AOPEP: variants seen among roughly 807,000 people sequenced by gnomAD.
AOPEP encodes the protein aminopeptidase O.
In AOPEP, 77 loss-of-function variants were observed where a neutral mutation model predicts 98.1. That is an observed-to-expected ratio of 0.78 (90% CI 0.65 to 0.95). The LOEUF (loss-of-function observed/expected upper bound fraction) is 0.95, where lower values mean the gene tolerates loss of function less well. Ranked by LOEUF, AOPEP falls within the 40% of genes least tolerant of loss-of-function variation. The pLI is 0.00. For missense variants in AOPEP, 1,024 were observed against 1,024.7 expected (o/e 1.00, Z 0.01); for synonymous variants, 346 against 365.3 (o/e 0.95, Z 0.60).
intron 1 of AOPEP, among the ~76,000 whole-genome samples, chr9:94,755,834 G>A (rs939443752): frequency 1.3e-5 from 2 of 152,162 alleles, no homozygotes; most frequent in African/African-American, 2.4e-5. Context: ...TGCCTCTCTG[G>A]GACCCACTGT....
At chr9:95,067,189 G>A (rs532309290) in intron 14 of AOPEP, among the ~76,000 whole-genome samples, 1 of 152,212 alleles carries the variant, frequency 6.6e-6, no homozygotes, top group African/African-American at 2.4e-5. Context: ...ACTTCAGGCT[G>A]TGAGAACCTC....
intron 5 of AOPEP, among the ~76,000 whole-genome samples, chr9:94,846,511 T>C (rs2042882820): frequency 6.6e-6 from 1 of 152,064 alleles, no homozygotes; most frequent in East Asian, 1.9e-4. Flanking sequence ...ATTAAAGAAA[T>C]AGGGAAATTG....
At chr9:94,982,296 T>C (rs2060232180) in intron 11 of AOPEP, among the ~76,000 whole-genome samples, 1 of 152,132 alleles carries the variant, frequency 6.6e-6, no homozygotes, top group Admixed American at 6.5e-5. Flanking sequence ...TCTTTAAAAG[T>C]AAAAATAACA....
At chr9:94,874,434 G>A (rs941831561) in intron 5 of AOPEP, among the ~76,000 whole-genome samples, 1 of 151,942 alleles carries the variant, frequency 6.6e-6, no homozygotes, top group East Asian at 1.9e-4. Context: ...ATACAGATCT[G>A]TGGTCTTTCA....
chr9:95,104,306 G>A, the AOPEP span, among the ~76,000 whole-genome samples: 2 of 152,236 alleles, frequency 1.3e-5, no homozygotes, highest in African/African-American at 4.8e-5. Context: ...CACGATGGGT[G>A]CCCAGATGGC....
intron 11 of AOPEP, among the ~76,000 whole-genome samples, chr9:94,986,233 T>C (rs1418975054): frequency 2.6e-5 from 4 of 152,208 alleles, no homozygotes. Flanking sequence ...TGCGTGCACA[T>C]GTCTGTCCTT....
At chr9:95,047,155 A>G (rs537192170) in intron 13 of AOPEP, among the ~76,000 whole-genome samples, 5 of 152,346 alleles carry the variant, frequency 3.3e-5, no homozygotes, top group Admixed American at 3.3e-4. Context: ...AATGCATGGA[A>G]TGGGACTGAA....
intron 11 of AOPEP, among the ~76,000 whole-genome samples, chr9:94,996,029 G>A (rs968090073): frequency 2.6e-5 from 4 of 152,208 alleles, no homozygotes; most frequent in African/African-American, 9.7e-5. Flanking sequence ...ACATGCAGGG[G>A]GTGGAAGCAG....
At chr9:94,812,429 C>T (rs1017628746) in intron 5 of AOPEP, among the ~76,000 whole-genome samples, 1 of 152,186 alleles carries the variant, frequency 6.6e-6, no homozygotes, top group African/African-American at 2.4e-5. Flanking sequence ...GTGCATCACA[C>T]TGTCTCGCTC....
At position 95,080,505 on chromosome 9, in the gene AOPEP, GTC is replaced by G. The variant is rs528911164; in HGVS notation, c.2233-185_2233-184del. Among the ~76,000 whole-genome samples, 222 of 152,312 alleles carry G rather than the reference GTC, an allele frequency of 1.5e-3. 6 individuals carry two copies. The highest frequency in any genetic ancestry group is 5.3e-4 in the Non-Finnish European group (36 of 68,028). ...CACTCCAGCCTGGGTGACAGAGCGA[GTC>G]TCTGTCTCAAAGAAAATAAAAAGTA... On this transcript the variant is annotated intron_variant, in intron 14 of 16. Coordinates refer to ENST00000375315, the MANE Select transcript of AOPEP (RefSeq NM_001193329.3).
At chr9:95,023,500 G>A (rs1325801653) in intron 13 of AOPEP, among the ~76,000 whole-genome samples, 1 of 152,254 alleles carries the variant, frequency 6.6e-6, no homozygotes, top group African/African-American at 2.4e-5. Context: ...GGTTCAGTTG[G>A]AAGTTTCCAG....
At chr9:94,845,018 C>G (rs1213602721) in intron 5 of AOPEP, among the ~76,000 whole-genome samples, 3 of 152,212 alleles carry the variant, frequency 2.0e-5, no homozygotes, top group Admixed American at 1.3e-4. Flanking sequence ...TGTGCAAGCA[C>G]TATTCCAGGT....
chr9:94,914,344 C>T (rs1275374678), intron 5 of AOPEP, among the ~76,000 whole-genome samples: 2 of 152,210 alleles, frequency 1.3e-5, no homozygotes, highest in African/African-American at 4.8e-5. Flanking sequence ...GATTCAGCTG[C>T]AGTTACTACA....
chr9:94,994,589 G>A (rs2061104335), intron 11 of AOPEP, among the ~76,000 whole-genome samples: 2 of 152,132 alleles, frequency 1.3e-5, no homozygotes, highest in Admixed American at 6.5e-5. Context: ...TGTAGCTCTG[G>A]TTAGGATTAT....
chr9:95,103,452 C>G, the AOPEP span, among the ~76,000 whole-genome samples: 10 of 152,190 alleles, frequency 6.6e-5, no homozygotes, highest in Middle Eastern at 3.2e-3. Context: ...TGCTGTGGCC[C>G]AGCAGCAGGA....
intron 10 of AOPEP, among the ~76,000 whole-genome samples, chr9:94,978,956 AT>A (rs758334245): frequency 3.3e-5 from 5 of 152,132 alleles, no homozygotes; most frequent in African/African-American, 4.8e-5. Context: ...CATCTTTCCT[AT>A]AAAGTGCAGA....
At chr9:95,083,369 G>T (rs574537210) in intron 16 of AOPEP, among the ~76,000 whole-genome samples, 1 of 143,370 alleles carries the variant, frequency 7.0e-6, no homozygotes, top group African/African-American at 2.6e-5. Context: ...GCACCACACA[G>T]AGCACACGCG....
At chr9:95,062,011 T>C (rs2067358514) in intron 14 of AOPEP, among the ~76,000 whole-genome samples, 1 of 152,194 alleles carries the variant, frequency 6.6e-6, no homozygotes. Context: ...TCCAGGACCC[T>C]GTGATGGGCA....
Position 95,045,288 on chromosome 9 carries a change from G to A in AOPEP, c.2116-15406G>A, listed in dbSNP as rs576341296. 2.8e-3 allele frequency among the ~76,000 whole-genome samples: 431 copies of A among 152,362 alleles called. 1 individual carries two copies. In the Middle Eastern group the frequency reaches 0.031, roughly 11 times the overall value. ...GTCCCGGCAGTGCAGCTCCGCAGGC[G>A]CAGGAGGGATGCGGGCTGGGGACGC... On this transcript the variant is annotated intron_variant, in intron 13 of 16. Coordinates refer to ENST00000375315, the MANE Select transcript of AOPEP (RefSeq NM_001193329.3).
Sources: allele counts gnomAD v4.1 joint callset (sites outside exome capture counted in the v4.1 genomes callset), GRCh38; gene constraint gnomAD v4.1.1; transcripts MANE v1.5; gene names NCBI Gene and HGNC (gene_info 2026-07-23, HGNC 2026-07-21).